ATR: variants seen among roughly 807,000 people sequenced by gnomAD.
ATR encodes ATR checkpoint kinase.
ATR carries 142 observed loss-of-function variants against 305.3 expected under a neutral mutation model. The ratio of observed to expected loss-of-function variants is 0.47; its 90% CI spans 0.41 to 0.53. ATR has a LOEUF of 0.53. ATR is among the 20% of genes least tolerant of loss of function. The pLI is 0.00. For missense variants in ATR, 2,135 were observed against 3,133.1 expected (o/e 0.68, Z 7.60); for synonymous variants, 1,050 against 1,068.1 (o/e 0.98, Z 0.33).
intron 21 of ATR, among the ~76,000 whole-genome samples, chr3:142,534,411 C>T (rs1232864204): frequency 6.6e-6 from 1 of 152,098 alleles, no homozygotes; most frequent in African/African-American, 2.4e-5. Flanking sequence ...TAAGTGCTTG[C>T]TTCTATTAAT....
chr3:142,542,701 T>C lies in ATR; in HGVS notation c.3414A>G (p.Leu1138=). The C allele has an allele frequency of 6.2e-7, 1 of 1,613,450 alleles. No homozygotes were observed. The highest frequency in any genetic ancestry group is 1.1e-5 in the South Asian group (1 of 91,062). ...CTTCAATGCCAACACTAGAGCTCAG[T>C]AACTGCATGTTAAAAAAAGCCAAAA... ...LGILAFFNMQ[L]LSSSVGIEDK... Residue 1138 remains leucine, a synonymous_variant, in exon 17 of 47, where the codon TTA becomes TTG. Coordinates refer to ENST00000350721, the MANE Select transcript of ATR (RefSeq NM_001184.4).
intron 24 of ATR, among the ~76,000 whole-genome samples, chr3:142,517,006 T>TATATATATAC (rs980039667): frequency 3.4e-5 from 5 of 148,242 alleles, no homozygotes; most frequent in African/African-American, 1.2e-4. Flanking sequence ...TATATATATA[T>TATATATATAC]ACATATTTCA....
In ATR at chr3:142,568,131, G is replaced by C. The variant is rs578209052; in HGVS notation, c.83C>G (p.Thr28Arg). 1.2e-6 allele frequency: 2 copies of C among 1,612,292 alleles called. No homozygotes were observed. Among genetic ancestry groups the C allele is most frequent in the South Asian group, 1.1e-5 (1 of 90,980 alleles). ...LGSATPEEYN[T>R]VVQKPRQILC... ...AATTTGTCTTGGCTTCTGTACAACT[G>C]TATTATATTCCTCTGGTGTGGCACT... is the stretch of plus-strand genomic sequence containing the variant. Residue 28 changes from threonine to arginine, a missense_variant, in exon 2 of 47, where the codon ACA (threonine) becomes AGA (arginine). Thr to Arg is a moderately conservative substitution (Grantham distance 71). Coordinates refer to ENST00000350721, the MANE Select transcript of ATR (RefSeq NM_001184.4).
At position 142,556,061 on chromosome 3, in the gene ATR, G is replaced by A. The variant is rs150161871; in HGVS notation, c.2157C>T (p.His719=). The change falls in exon 10 of 47, where the codon CAC becomes CAT. Residue 719 remains histidine, a synonymous_variant. Transcript: ENST00000350721. ...AAGAACTTGTCAGATAAAACATGCC[G>A]TGAAGAGTACAGACAAGTTGACCAA... ...SILGQLVCTL[H]GMFYLTSSLT... 35 of 1,613,978 alleles carry A rather than the reference G, an allele frequency of 2.2e-5. No individual in the cohort carries two copies. In the East Asian group the frequency reaches 5.1e-4, roughly 24 times the overall value.
chr3:142,492,359 T>G (rs1395217966), intron 35 of ATR, among the ~76,000 whole-genome samples: 3 of 152,210 alleles, frequency 2.0e-5, no homozygotes, highest in African/African-American at 7.2e-5. Flanking sequence ...ATGTTTATTC[T>G]TTCCCCAGCA....
chr3:142,550,508 T>C (rs2108457077), intron 13 of ATR, among the ~76,000 whole-genome samples: 1 of 152,340 alleles, frequency 6.6e-6, no homozygotes, highest in African/African-American at 2.4e-5. Flanking sequence ...TTAAAAAACT[T>C]GAATATCATG....
At chr3:142,458,434 GCTAACCTACCAGTCTGCC>G (rs2070954078) in intron 44 of ATR, among the ~76,000 whole-genome samples, 1 of 152,140 alleles carries the variant, frequency 6.6e-6, no homozygotes, top group Admixed American at 6.6e-5. Context: ...AAAATAGTGC[GCTAACCTACCAGTCTGCC>G]CTGCAGGATT....
At chr3:142,570,806 G>T (rs920097574) in intron 1 of ATR, among the ~76,000 whole-genome samples, 1 of 152,172 alleles carries the variant, frequency 6.6e-6, no homozygotes, top group Non-Finnish European at 1.5e-5. Context: ...GATTGCAAGG[G>T]GCTGAAAATC....
intron 1 of ATR, among the ~76,000 whole-genome samples, chr3:142,570,288 T>C (rs2035217495): frequency 6.6e-6 from 1 of 152,262 alleles, no homozygotes; most frequent in African/African-American, 2.4e-5. Context: ...AATTCCAATT[T>C]ATCTGTTTAT....
chr3:142,535,300 T>C, intron 20 of ATR, 95 bp from the exon 21 acceptor site: 2 of 1,413,316 alleles, frequency 1.4e-6, no homozygotes, highest in Non-Finnish European at 2.0e-6. Context: ...ACCATTAAAC[T>C]ATACCAAACC....
rs1419293294 is a variant in ATR at position 142,459,098 on chromosome 3, A to T, written c.7363T>A (p.Ser2455Thr). Residue 2455 changes from serine to threonine, a missense_variant, in exon 44 of 47, where the codon TCA (serine) becomes ACA (threonine). This residue lies in a region of ATR where 462 missense variants were observed against 887.6 expected (regional missense o/e 0.52). Coordinates refer to ENST00000350721, the MANE Select transcript of ATR (RefSeq NM_001184.4). Reference sequence around the variant, plus strand: ...ACTGCAGTGGAACGGCAGTAAGCTGATCTACTACTGTACCTAAAAGAAACA... The same window carrying T: ...ACTGCAGTGGAACGGCAGTAAGCTGTTCTACTACTGTACCTAAAAGAAACA... ...PDPTSWYSSR[S>T]AYCRSTAVMS... 6.2e-7 allele frequency: 1 copy of T among 1,613,914 alleles called. No homozygotes were observed.
intron 18 of ATR, 95 bp from the exon 19 acceptor site, chr3:142,538,720 C>A (rs965233636): frequency 6.9e-7 from 1 of 1,459,676 alleles, no homozygotes; most frequent in African/African-American, 1.4e-5. Context: ...ATGATATATA[C>A]AAACAATAGA....
intron 46 of ATR, chr3:142,450,862 G>C: frequency 7.5e-7 from 1 of 1,331,742 alleles, no homozygotes; most frequent in Non-Finnish European, 9.7e-7. Flanking sequence ...AGTGTTCTCC[G>C]ACCAAGCAGA....
chr3:142,475,611 C>A (rs538545140), intron 36 of ATR, among the ~76,000 whole-genome samples: 1 of 152,226 alleles, frequency 6.6e-6, no homozygotes, highest in East Asian at 1.9e-4. Context: ...GGGTATATAC[C>A]CAGTAATGGG....
intron 24 of ATR, among the ~76,000 whole-genome samples, chr3:142,519,241 A>G (rs1054316489): frequency 2.0e-5 from 3 of 152,172 alleles, no homozygotes; most frequent in African/African-American, 7.2e-5. Context: ...ATAGTGAAAA[A>G]TATACATGAG....
chr3:142,575,867 C>T (rs1295511250), intron 1 of ATR, among the ~76,000 whole-genome samples: 3 of 152,180 alleles, frequency 2.0e-5, no homozygotes, highest in Non-Finnish European at 2.9e-5. Context: ...AAGTCAGAGG[C>T]AGGCTGAGCC....
chr3:142,486,546 G>A (rs1254925190), intron 35 of ATR, among the ~76,000 whole-genome samples: 1 of 151,570 alleles, frequency 6.6e-6, no homozygotes, highest in Non-Finnish European at 1.5e-5. Flanking sequence ...TTCACATACT[G>A]AAAAATACAC....
At chr3:142,456,210 G>A (rs2070902210) in intron 45 of ATR, among the ~76,000 whole-genome samples, 2 of 151,956 alleles carry the variant, frequency 1.3e-5, no homozygotes, top group Admixed American at 6.6e-5. Context: ...TGCAGTGAGT[G>A]GAGATCACGT....
intron 1 of ATR, among the ~76,000 whole-genome samples, chr3:142,568,650 G>A (rs1462762256): frequency 1.3e-5 from 2 of 152,178 alleles, no homozygotes; most frequent in African/African-American, 4.8e-5. Flanking sequence ...GCCCAACCAC[G>A]GCTGCAAACC....
Sources: allele counts gnomAD v4.1 joint callset (sites outside exome capture counted in the v4.1 genomes callset), GRCh38; gene constraint gnomAD v4.1.1; regional missense constraint gnomAD v4.1.1; transcripts MANE v1.5; gene names NCBI Gene and HGNC (gene_info 2026-07-23, HGNC 2026-07-21).